The following ABR variants were observed in gnomAD, a reference collection of about 807,000 sequenced individuals.
ABR encodes ABR activator of RhoGEF and GTPase.
Under a neutral mutation model 107.2 loss-of-function variants are expected in ABR, and 35 were observed. The ratio of observed to expected loss-of-function variants is 0.33; its 90% confidence interval spans 0.25 to 0.43. The LOEUF (loss-of-function observed/expected upper bound fraction) is 0.43. Ranked by LOEUF, ABR falls within the 20% of genes least tolerant of loss-of-function variation. ABR has a pLI of 1.00. For synonymous variants in ABR, 498 were observed against 462.0 expected (o/e 1.08, Z -1.00); for missense variants, 815 against 1,115.2 (o/e 0.73, Z 3.83).
intron 7 of ABR, among the ~76,000 whole-genome samples, chr17:1,073,093 T>C (rs1350566920): frequency 2.7e-5 from 4 of 150,458 alleles, no homozygotes; most frequent in African/African-American, 9.8e-5. Flanking sequence ...GGCAGGAGAA[T>C]TGCTTGAACC....
chr17:1,014,371 G>A (rs899010019), intron 16 of ABR, among the ~76,000 whole-genome samples: 1 of 135,136 alleles, frequency 7.4e-6, no homozygotes, highest in African/African-American at 2.8e-5. Context: ...AACCCGGGAG[G>A]CAGAGCTTGC....
At chr17:1,121,705 T>C (rs996007299) in intron 2 of ABR, among the ~76,000 whole-genome samples, 2 of 148,698 alleles carry the variant, frequency 1.3e-5, no homozygotes, top group African/African-American at 5.0e-5. Flanking sequence ...AGCCTTGCTG[T>C]GGTCTGAGAG....
chr17:1,195,327 C>T (rs2042536999), intron 1 of ABR, among the ~76,000 whole-genome samples: 1 of 147,988 alleles, frequency 6.8e-6, no homozygotes. Flanking sequence ...AAGTCCTGGC[C>T]TCAAAGGATC....
intron 3 of ABR, among the ~76,000 whole-genome samples, chr17:1,098,889 G>A (rs1031551980): frequency 6.6e-6 from 1 of 152,142 alleles, no homozygotes; most frequent in Non-Finnish European, 1.5e-5. Flanking sequence ...GGGTTCAAGC[G>A]ATTCTCCTGC....
chr17:1,146,811 A>AC (rs2040564521), intron 1 of ABR, among the ~76,000 whole-genome samples: 3 of 98,626 alleles, frequency 3.0e-5, no homozygotes, highest in Non-Finnish European at 7.0e-5. Context: ...CACTGCCACC[A>AC]GGCCACCACT....
chr17:1,108,394 T>G (rs1416985105), intron 2 of ABR, among the ~76,000 whole-genome samples: 4 of 152,160 alleles, frequency 2.6e-5, no homozygotes, highest in African/African-American at 4.8e-5. Flanking sequence ...CAGCAGATGC[T>G]CCCTGCCTGT....
chr17:1,061,603 G>A (rs531296729), intron 10 of ABR, among the ~76,000 whole-genome samples: 1 of 151,936 alleles, frequency 6.6e-6, no homozygotes, highest in Admixed American at 6.5e-5. Context: ...CTGGAGTGCA[G>A]TGGCGTGATC....
At chr17:1,018,243 C>A (rs62068329) in intron 16 of ABR, among the ~76,000 whole-genome samples, 7 of 150,712 alleles carry the variant, frequency 4.6e-5, no homozygotes, top group Non-Finnish European at 8.8e-5. Flanking sequence ...GGGGTTTCAC[C>A]GTGTTAGCCA....
intron 13 of ABR, 98 bp downstream of exon 13, chr17:1,056,900 A>G (rs1174805543): frequency 2.5e-6 from 2 of 803,062 alleles, no homozygotes; most frequent in Non-Finnish European, 4.3e-6. Context: ...GGGATCAGCC[A>G]TTTACAGCCA....
intron 1 of ABR, among the ~76,000 whole-genome samples, chr17:1,160,520 G>A (rs73975662): frequency 0.012 from 1,893 of 152,288 alleles, 39 homozygotes; most frequent in African/African-American, 0.043. Context: ...GTGAATGTCC[G>A]TTCATTCATT....
rs544756707 is a variant in ABR at position 1,044,594 on chromosome 17, T to C, written c.1791+5456A>G. On this transcript the variant is annotated intron_variant, in intron 16 of 22. Transcript: ENST00000302538. Reference sequence around the variant, plus strand: ...TGAACCTGGGAGGCAGAGGTTGCAGTGAGCCAAGATTGCGCCATTGCACTC... The same window carrying C: ...TGAACCTGGGAGGCAGAGGTTGCAGCGAGCCAAGATTGCGCCATTGCACTC... 1.6e-3 allele frequency among the ~76,000 whole-genome samples: 236 copies of C among 150,758 alleles called. 1 individual carries two copies. The highest frequency in any genetic ancestry group is 5.5e-3 in the African/African-American group (226 of 40,904).
chr17:1,120,778 C>G (rs1567792366), intron 2 of ABR, among the ~76,000 whole-genome samples: 1 of 152,170 alleles, frequency 6.6e-6, no homozygotes, highest in Non-Finnish European at 1.5e-5. Context: ...TACAGATGAG[C>G]AAACTGCAGC....
At chr17:1,085,382 C>T (rs1567726957) in intron 4 of ABR, among the ~76,000 whole-genome samples, 1 of 152,026 alleles carries the variant, frequency 6.6e-6, no homozygotes, top group Non-Finnish European at 1.5e-5. Context: ...TCCCAAAGTG[C>T]TGGGATTACA....
chr17:1,142,915 A>G (rs2040349434), intron 1 of ABR, among the ~76,000 whole-genome samples: 1 of 152,152 alleles, frequency 6.6e-6, no homozygotes, highest in Admixed American at 6.5e-5. Flanking sequence ...CAAAGCGGCA[A>G]CTGGAGGCCG....
At chr17:1,072,894 A>T (rs1179794752) in intron 7 of ABR, 140 bp from the exon 8 acceptor site, 1 of 1,219,354 alleles carries the variant, frequency 8.2e-7, no homozygotes, top group African/African-American at 1.6e-5. Flanking sequence ...TACAAATCAG[A>T]GTCAGGCCGG....
upstream of ABR, among the ~76,000 whole-genome samples, chr17:1,183,648 T>A (rs1204497650): frequency 6.6e-6 from 1 of 151,972 alleles, no homozygotes; most frequent in Non-Finnish European, 1.5e-5. Context: ...TTTCCTCCCT[T>A]CTCATGTTAG....
intron 1 of ABR, among the ~76,000 whole-genome samples, chr17:1,176,938 C>T (rs1487587968): frequency 6.6e-6 from 1 of 151,902 alleles, no homozygotes; most frequent in Non-Finnish European, 1.5e-5. Flanking sequence ...AGTAGGTGCT[C>T]AGGAGACGCT....
rs138699315 is a variant in ABR at position 1,026,732 on chromosome 17, G to A, written c.1792-13568C>T. ...CTCGAAGGTGCTGGGGGGCCGTCAG[G>A]ACACAAACATCTTCCTGCCCCAGCA... is the stretch of plus-strand genomic sequence containing the variant. On this transcript the variant is annotated intron_variant, in intron 16 of 22. Coordinates refer to ENST00000302538, the MANE Select transcript of ABR (RefSeq NM_021962.5). Among the ~76,000 whole-genome samples, 677 of 152,330 alleles carry A rather than the reference G, an allele frequency of 4.4e-3. 12 individuals carry two copies. Among genetic ancestry groups the A allele is most frequent in the East Asian group, 0.034 (174 of 5,176 alleles).
rs2070455371 is a variant in ABR at position 1,010,662 on chromosome 17, C to G, written c.2236+67G>C. The G allele has an allele frequency of 1.3e-6, 2 of 1,580,076 alleles. No individual in the cohort carries two copies. The highest frequency in any genetic ancestry group is 1.3e-5 in the African/African-American group (1 of 74,200). On this transcript the variant is annotated intron_variant, in intron 20 of 22. Coordinates refer to ENST00000302538, the MANE Select transcript of ABR (RefSeq NM_021962.5). This position sits in a 1 kb window ranked among gnomAD's most constrained non-coding sequence, Gnocchi z 4.1. Reference sequence around the variant, plus strand: ...CCACAGATATTTCTCCTGCTGGTTACTTCTCCGGGCAGGGAGTCCTGGCTC... The same window carrying G: ...CCACAGATATTTCTCCTGCTGGTTAGTTCTCCGGGCAGGGAGTCCTGGCTC...
Sources: allele counts gnomAD v4.1 joint callset (sites outside exome capture counted in the v4.1 genomes callset), GRCh38; gene constraint gnomAD v4.1.1; non-coding constraint Gnocchi (gnomAD v3.1); transcripts MANE v1.5; gene names NCBI Gene and HGNC (gene_info 2026-07-23, HGNC 2026-07-21).